MCTP1: variants seen among roughly 807,000 people sequenced by gnomAD.
MCTP1 encodes multiple C2 and transmembrane domain-containing protein 1.
Under a neutral mutation model 120.6 loss-of-function variants are expected in MCTP1, and 69 were observed. The ratio of observed to expected loss-of-function variants is 0.57; its 90% confidence interval spans 0.47 to 0.70. The LOEUF is 0.70. Ranked by LOEUF, MCTP1 falls within the 30% of genes least tolerant of loss-of-function variation. The pLI, the probability that MCTP1 is intolerant of heterozygous loss-of-function variation, is 0.00. For synonymous variants in MCTP1, 529 were observed against 493.1 expected (o/e 1.07, Z -0.96); for missense variants, 1,203 against 1,248.8 (o/e 0.96, Z 0.55).
At chr5:94,939,244 T>TA (rs1816958873) in intron 5 of MCTP1, among the ~76,000 whole-genome samples, 1 of 152,040 alleles carries the variant, frequency 6.6e-6, no homozygotes, top group Non-Finnish European at 1.5e-5. Context: ...AGACAATCTA[T>TA]AACCAACTTT....
intron 1 of MCTP1, among the ~76,000 whole-genome samples, chr5:95,074,268 G>A (rs928582130): frequency 6.6e-6 from 1 of 152,228 alleles, no homozygotes; most frequent in African/African-American, 2.4e-5. Flanking sequence ...TATCCCGTAA[G>A]GTGAAGGCCA....
At chr5:94,740,393 T>C (rs570564065) in intron 19 of MCTP1, among the ~76,000 whole-genome samples, 27 of 152,352 alleles carry the variant, frequency 1.8e-4, no homozygotes, top group South Asian at 1.2e-3. Context: ...ACTACTGCTG[T>C]AATTAAATGC....
chr5:94,999,222 T>C (rs543358221), intron 2 of MCTP1, among the ~76,000 whole-genome samples: 53 of 152,338 alleles, frequency 3.5e-4, no homozygotes, highest in African/African-American at 8.9e-4. Context: ...CCTTTATGCT[T>C]ATTTCATGAA....
chr5:94,943,596 A>G (rs1027678641), intron 3 of MCTP1, among the ~76,000 whole-genome samples: 3 of 152,158 alleles, frequency 2.0e-5, no homozygotes, highest in African/African-American at 7.2e-5. Context: ...CTAGGAACTG[A>G]GTAAACAGTG....
At chr5:94,714,212 TTC>T (rs1437444212) in intron 20 of MCTP1, among the ~76,000 whole-genome samples, 1 of 152,156 alleles carries the variant, frequency 6.6e-6, no homozygotes, top group Admixed American at 6.6e-5. Flanking sequence ...GGAAAAGGGA[TTC>T]TGTTTTTATA....
rs1190236173 is a variant in MCTP1, at chr5:94,704,006, AT to A, written c.*3489del. On this transcript the variant is annotated 3_prime_UTR_variant, in exon 23 of 23. Coordinates refer to ENST00000515393, the MANE Select transcript of MCTP1 (RefSeq NM_024717.7). ...TTCACCAAAAAAAAAAGAAAAAAAA[AT>A]GTTTTGTTTTCTTTCAGTGAGTTAC... is the stretch of plus-strand genomic sequence containing the variant. 1 of 137,784 alleles carries A rather than the reference AT, an allele frequency of 7.3e-6. No individual in the cohort carries two copies. Among genetic ancestry groups the A allele is most frequent in the Non-Finnish European group, 1.6e-5 (1 of 61,264 alleles). The allele number at this position is 137,784 out of a possible 1,614,324, so 8.5% of individuals were successfully genotyped here. A position where few individuals can be genotyped will look rare whatever the true frequency, so the allele number is the denominator to read the frequency against.
chr5:95,229,494 C>G (rs1754668716), intron 1 of MCTP1, among the ~76,000 whole-genome samples: 1 of 152,122 alleles, frequency 6.6e-6, no homozygotes, highest in Admixed American at 6.6e-5. Flanking sequence ...GTTACTCACG[C>G]CTGTAATCCC....
chr5:94,939,952 GGATACTCACA>G (rs1817171362), intron 5 of MCTP1, 122 bp downstream of exon 5: 3 of 516,146 alleles, frequency 5.8e-6, no homozygotes, highest in Non-Finnish European at 1.1e-5. Flanking sequence ...GCAATACCTA[GGATACTCACA>G]GAAACAAAGA....
At chr5:95,050,711 A>G (rs1167645837) in intron 1 of MCTP1, among the ~76,000 whole-genome samples, 1 of 152,218 alleles carries the variant, frequency 6.6e-6, no homozygotes, top group Non-Finnish European at 1.5e-5. Context: ...ACCTTGGCAG[A>G]GATGCTTTGC....
At chr5:94,955,950 GA>G (rs1822497026) in intron 2 of MCTP1, among the ~76,000 whole-genome samples, 1 of 152,216 alleles carries the variant, frequency 6.6e-6, no homozygotes, top group South Asian at 2.1e-4. Flanking sequence ...GTGGGTCCCT[GA>G]CTCCCATGCT....
intron 20 of MCTP1, among the ~76,000 whole-genome samples, chr5:94,713,645 G>A (rs1226514681): frequency 1.3e-5 from 2 of 152,132 alleles, no homozygotes; most frequent in East Asian, 3.9e-4. Flanking sequence ...GGAAGAAGGA[G>A]AGAGAAAAGA....
intron 2 of MCTP1, among the ~76,000 whole-genome samples, chr5:94,984,824 G>A (rs915571355): frequency 3.3e-5 from 5 of 151,964 alleles, no homozygotes; most frequent in African/African-American, 1.2e-4. Context: ...CATTCGATAA[G>A]TATTCAACAA....
intron 1 of MCTP1, among the ~76,000 whole-genome samples, chr5:95,127,898 G>C (rs1054755413): frequency 6.6e-6 from 1 of 152,134 alleles, no homozygotes; most frequent in African/African-American, 2.4e-5. Context: ...AATCTGAATG[G>C]GAGGCAGGGA....
chr5:95,203,448 G>T (rs777995896), intron 1 of MCTP1, among the ~76,000 whole-genome samples: 1 of 152,140 alleles, frequency 6.6e-6, no homozygotes, highest in Admixed American at 6.5e-5. Flanking sequence ...TCTCTATGCT[G>T]GGCAAAGGGA....
At chr5:95,282,766 G>A (rs892137086) in intron 1 of MCTP1, among the ~76,000 whole-genome samples, 4 of 152,152 alleles carry the variant, frequency 2.6e-5, no homozygotes, top group Admixed American at 2.6e-4. Flanking sequence ...ACTTTCTGGA[G>A]CTACACTAAG....
At chr5:94,743,673 T>A (rs1162769117) in intron 19 of MCTP1, among the ~76,000 whole-genome samples, 1 of 148,296 alleles carries the variant, frequency 6.7e-6, no homozygotes, top group East Asian at 2.0e-4. Flanking sequence ...AGTCTCCCTC[T>A]GTCGCCCAGG....
intron 1 of MCTP1, among the ~76,000 whole-genome samples, chr5:95,140,922 T>C (rs1457423362): frequency 7.1e-6 from 1 of 140,322 alleles, no homozygotes; most frequent in Non-Finnish European, 1.5e-5. Flanking sequence ...TTAACGAGAA[T>C]GTACTAGAAA....
chr5:95,041,805 A>T (rs1842409866), intron 1 of MCTP1, among the ~76,000 whole-genome samples: 1 of 152,236 alleles, frequency 6.6e-6, no homozygotes, highest in African/African-American at 2.4e-5. Context: ...TCCCCAAGGA[A>T]GTAGCATATT....
At chr5:95,183,272 T>C (rs1376391970) in intron 1 of MCTP1, among the ~76,000 whole-genome samples, 7 of 151,814 alleles carry the variant, frequency 4.6e-5, no homozygotes, top group Admixed American at 2.6e-4. Flanking sequence ...CCTCACACCA[T>C]ACAAAGAATG....
Sources: allele counts gnomAD v4.1 joint callset (sites outside exome capture counted in the v4.1 genomes callset), GRCh38; gene constraint gnomAD v4.1.1; transcripts MANE v1.5; gene names NCBI Gene and HGNC (gene_info 2026-07-23, HGNC 2026-07-21).